SGCD: variants seen among roughly 807,000 people sequenced by gnomAD.
SGCD encodes delta-sarcoglycan.
In SGCD, 18 loss-of-function variants were observed where a neutral mutation model predicts 36.6. That is an observed-to-expected ratio of 0.49 (90% CI 0.34 to 0.73). SGCD has a LOEUF of 0.73. Ranked by LOEUF, SGCD falls within the 30% of genes least tolerant of loss-of-function variation. SGCD has a pLI of 0.01. For synonymous variants in SGCD, 133 were observed against 130.6 expected, an observed-to-expected ratio of 1.02 and a Z score of -0.12; for missense variants, 387 against 346.7, an observed-to-expected ratio of 1.12 and a Z score of -0.92.
At chr5:156,301,979 T>C (rs1332022789) in intron 3 of SGCD, among the ~76,000 whole-genome samples, 1 of 152,096 alleles carries the variant, frequency 6.6e-6, no homozygotes, top group Non-Finnish European at 1.5e-5. Flanking sequence ...GAAAATGCCT[T>C]GAGGTAGTCT....
At chr5:156,105,765 C>T (rs915366229) in intron 1 of SGCD, among the ~76,000 whole-genome samples, 3 of 152,098 alleles carry the variant, frequency 2.0e-5, no homozygotes, top group Non-Finnish European at 4.4e-5. Context: ...GCCATGTTTT[C>T]CTCCCTTCTG....
chr5:156,091,927 T>G (rs1413394399), intron 1 of SGCD, among the ~76,000 whole-genome samples: 2 of 152,240 alleles, frequency 1.3e-5, no homozygotes, highest in African/African-American at 4.8e-5. Context: ...TCCAACTGTT[T>G]GGAGAAATAG....
rs565231453 is a variant in SGCD at position 156,596,537 on chromosome 5, G to A, written c.502+1486G>A. Among the ~76,000 whole-genome samples, 31 of 152,182 alleles carry A rather than the reference G, an allele frequency of 2.0e-4. No homozygotes were observed. The South Asian group carries it at 4.2e-3, about 20-fold the overall frequency. On this transcript the variant is annotated intron_variant, in intron 6 of 8. Coordinates refer to ENST00000337851, the MANE Select transcript of SGCD (RefSeq NM_000337.6). ...AATTATTAGTATTATTATAAGGTAC[G>A]TTTACCTGAAATTATATTTATCTCT...
At chr5:156,178,757 G>A (rs1381102347) in intron 3 of SGCD, among the ~76,000 whole-genome samples, 1 of 152,072 alleles carries the variant, frequency 6.6e-6, no homozygotes, top group African/African-American at 2.4e-5. Context: ...TGTATTTTTA[G>A]TAGAGACAAG....
chr5:156,495,842 C>T (rs193188374), intron 3 of SGCD, among the ~76,000 whole-genome samples: 1 of 152,280 alleles, frequency 6.6e-6, no homozygotes, highest in Non-Finnish European at 1.5e-5. Flanking sequence ...TATTATCCAT[C>T]TCTCATTTTC....
chr5:156,676,600 C>T (rs11744039), intron 7 of SGCD, among the ~76,000 whole-genome samples: 11,497 of 152,060 alleles, frequency 0.076, 489 homozygotes, highest in African/African-American at 0.11. Context: ...TTGCGGTTCA[C>T]GAACAACTCC....
intron 6 of SGCD, among the ~76,000 whole-genome samples, chr5:156,632,970 G>A (rs1161786912): frequency 6.6e-6 from 1 of 150,398 alleles, no homozygotes; most frequent in African/African-American, 2.5e-5. Flanking sequence ...AGACAGTGCA[G>A]GAGCAATTTA....
At chr5:156,739,429 T>TAAAG (rs1554135058) in intron 7 of SGCD, among the ~76,000 whole-genome samples, 1 of 152,128 alleles carries the variant, frequency 6.6e-6, no homozygotes, top group African/African-American at 2.4e-5. Flanking sequence ...TTAAAACAAG[T>TAAAG]AAAGAGACAA....
chr5:156,255,446 T>A (rs2127662832), intron 3 of SGCD, among the ~76,000 whole-genome samples: 1 of 152,324 alleles, frequency 6.6e-6, no homozygotes, highest in Non-Finnish European at 1.5e-5. Context: ...TACCTCCTTT[T>A]CTGTTAACTG....
In SGCD at chr5:156,737,387, T is replaced by G. The variant is rs116530511; in HGVS notation, c.576-20194T>G. ...TAACTGTAAGGTGGGGATAATAATA[T>G]TAATGTGACTTCTTCCTACAATGTT... is the stretch of plus-strand genomic sequence containing the variant. On this transcript the variant is annotated intron_variant, in intron 7 of 8. Coordinates refer to ENST00000337851, the MANE Select transcript of SGCD (RefSeq NM_000337.6). Among the ~76,000 whole-genome samples, 344 of 152,294 alleles carry G rather than the reference T, an allele frequency of 2.3e-3. 2 individuals are homozygous for G. The highest frequency in any genetic ancestry group is 8.0e-3 in the African/African-American group (332 of 41,548).
intron 3 of SGCD, among the ~76,000 whole-genome samples, chr5:156,261,171 T>A (rs1561589152): frequency 1.3e-5 from 2 of 152,182 alleles, no homozygotes; most frequent in Non-Finnish European, 2.9e-5. Context: ...ATAAAATGAA[T>A]TGGAATTGGC....
At chr5:155,812,452 A>G in the SGCD span, among the ~76,000 whole-genome samples, 1 of 152,158 alleles carries the variant, frequency 6.6e-6, no homozygotes, top group Admixed American at 6.5e-5. Flanking sequence ...TGTATTTACA[A>G]TAATCAGGAG....
At chr5:156,067,731 G>C (rs1296372259) in intron 1 of SGCD, among the ~76,000 whole-genome samples, 1 of 132,618 alleles carries the variant, frequency 7.5e-6, no homozygotes, top group Admixed American at 7.1e-5. Flanking sequence ...CCCTTTCTTT[G>C]ACTCGGAAAG....
intron 7 of SGCD, among the ~76,000 whole-genome samples, chr5:156,694,894 A>C (rs918904382): frequency 6.6e-6 from 1 of 152,192 alleles, no homozygotes. Flanking sequence ...CAGAATGTGA[A>C]ATGTGAAATA....
intron 7 of SGCD, among the ~76,000 whole-genome samples, chr5:156,661,009 G>A: frequency 2.4e-5 from 2 of 84,514 alleles, no homozygotes; most frequent in Non-Finnish European, 4.4e-5. Flanking sequence ...ACTGTTACAT[G>A]AACATATGAT....
intron 3 of SGCD, among the ~76,000 whole-genome samples, chr5:156,480,179 A>G (rs1002860641): frequency 1.3e-5 from 2 of 152,240 alleles, no homozygotes; most frequent in Admixed American, 6.5e-5. Context: ...CTGTATGAGT[A>G]TGTTCAACTC....
At chr5:156,452,702 A>G (rs1482299134) in intron 3 of SGCD, among the ~76,000 whole-genome samples, 1 of 152,210 alleles carries the variant, frequency 6.6e-6, no homozygotes. Flanking sequence ...TACTTTTAAT[A>G]AATTTCTGAA....
the SGCD span, among the ~76,000 whole-genome samples, chr5:155,759,008 A>T: frequency 2.8e-5 from 4 of 143,036 alleles, no homozygotes; most frequent in African/African-American, 5.8e-5. Context: ...GATTTTTTTT[A>T]TTTTTATTTT....
rs191473876 is a variant in SGCD, at chr5:156,102,628, A to G, written c.-281-15250A>G. ...GTCTCCAAAGTCACTTGCATAAACC[A>G]GTGTTGATGACTATTTGCTGAGAAG... On this transcript the variant is annotated intron_variant, in intron 1 of 9. Transcript: ENST00000517913. 1.9e-3 allele frequency among the ~76,000 whole-genome samples: 289 copies of G among 152,292 alleles called. 2 individuals are homozygous for G. The highest frequency in any genetic ancestry group is 6.6e-3 in the African/African-American group (274 of 41,578).
Sources: gnomAD v4.1 joint callset for allele counts (sites outside exome capture counted in the v4.1 genomes callset) on GRCh38, gnomAD v4.1.1 for gene constraint, MANE v1.5 for transcripts, NCBI Gene and HGNC (gene_info 2026-07-23, HGNC 2026-07-21) for gene names.